DLC1: variants seen among roughly 807,000 people sequenced by gnomAD.
DLC1 encodes the protein rho GTPase-activating protein 7.
A neutral mutation model predicts 140.3 loss-of-function variants in DLC1; 54 were observed. The observed-to-expected ratio is 0.38, with a 90% CI of 0.31 to 0.48. The LOEUF (loss-of-function observed/expected upper bound fraction) is 0.48. Ranked by LOEUF, DLC1 falls within the 20% of genes least tolerant of loss-of-function variation. The pLI is 0.96. For synonymous variants in DLC1, 986 were observed against 728.1 expected, an observed-to-expected ratio of 1.35 and a Z score of -5.70; for missense variants, 2,536 against 1,907.0, an observed-to-expected ratio of 1.33 and a Z score of -6.14.
At chr8:13,380,095 C>T (rs549329312) in intron 4 of DLC1, among the ~76,000 whole-genome samples, 9 of 152,262 alleles carry the variant, frequency 5.9e-5, no homozygotes, top group African/African-American at 2.2e-4. Context: ...CTCCTCACCA[C>T]CACTCCCATA....
At chr8:13,332,700 T>C (rs1369685948) in intron 4 of DLC1, among the ~76,000 whole-genome samples, 1 of 152,150 alleles carries the variant, frequency 6.6e-6, no homozygotes, top group Non-Finnish European at 1.5e-5. Context: ...CCCAGAGACG[T>C]GAGCCACCAT....
At chr8:13,225,701 C>T (rs1464263215) in intron 5 of DLC1, among the ~76,000 whole-genome samples, 6 of 151,392 alleles carry the variant, frequency 4.0e-5, no homozygotes, top group Non-Finnish European at 5.9e-5. Flanking sequence ...CTGCAAGCTC[C>T]GCCTCCTGGG....
chr8:13,412,490 T>G (rs1837823451), intron 2 of DLC1, among the ~76,000 whole-genome samples: 1 of 152,208 alleles, frequency 6.6e-6, no homozygotes, highest in Non-Finnish European at 1.5e-5. Context: ...GCCAAAGAAC[T>G]GGAAATAACT....
intron 1 of DLC1, among the ~76,000 whole-genome samples, chr8:13,538,750 G>T (rs1352924236): frequency 6.6e-6 from 1 of 152,150 alleles, no homozygotes; most frequent in East Asian, 1.9e-4. Flanking sequence ...GGTAATAAGT[G>T]GTAGAAGCAG....
chr8:13,365,749 C>T (rs78680790), intron 4 of DLC1, among the ~76,000 whole-genome samples: 4,043 of 152,046 alleles, frequency 0.027, 88 homozygotes, highest in South Asian at 0.091. Flanking sequence ...GCATGTCTCA[C>T]CGAGGAATAG....
chr8:13,440,013 C>T (rs564046040), intron 2 of DLC1, among the ~76,000 whole-genome samples: 3 of 152,256 alleles, frequency 2.0e-5, no homozygotes, highest in African/African-American at 4.8e-5. Context: ...ATTCACTGAA[C>T]ATTCAATCTG....
intron 2 of DLC1, among the ~76,000 whole-genome samples, chr8:13,452,928 T>C (rs894464324): frequency 2.6e-5 from 4 of 152,160 alleles, no homozygotes; most frequent in Admixed American, 1.3e-4. Context: ...GGCCATGATA[T>C]GAGTAATTGT....
rs71207138 is a variant in DLC1 at position 13,295,942 on chromosome 8, GTTTTTTTTTTTTTTT to G, written c.1348+9312_1348+9326del. Among the ~76,000 whole-genome samples, 38 of 72,898 alleles carry G rather than the reference GTTTTTTTTTTTTTTT, an allele frequency of 5.2e-4. 1 individual carries two copies. Among genetic ancestry groups the G allele is most frequent in the African/African-American group, 2.1e-3 (37 of 17,758 alleles). 47.8% of individuals were successfully genotyped at this position (72,898 alleles called of 152,430 possible). A position where few individuals can be genotyped will look rare whatever the true frequency, so the allele number is the denominator to read the frequency against. On this transcript the variant is annotated intron_variant, in intron 5 of 17. Transcript: ENST00000276297. ...AAGAGATGATCAGATAAGATTCTTT[GTTTTTTTTTTTTTTT>G]TTTTTTTTTTTTGGAGACAGAGTCT...
intron 1 of DLC1, among the ~76,000 whole-genome samples, chr8:13,579,463 A>ATAT (rs1804994495): frequency 3.6e-5 from 2 of 55,796 alleles, no homozygotes; most frequent in African/African-American, 1.5e-4. Context: ...TATATTTAAT[A>ATAT]CATTATATTT....
intron 2 of DLC1, among the ~76,000 whole-genome samples, chr8:13,410,293 C>G (rs1345795611): frequency 6.6e-6 from 1 of 152,034 alleles, no homozygotes; most frequent in African/African-American, 2.4e-5. Context: ...TGAGGAAACA[C>G]TGGAAATATT....
At chr8:13,599,736 A>G (rs989815063) in intron 1 of DLC1, among the ~76,000 whole-genome samples, 1 of 152,018 alleles carries the variant, frequency 6.6e-6, no homozygotes, top group African/African-American at 2.4e-5. Flanking sequence ...CCAAATGTAT[A>G]TATAAACCTC....
chr8:13,480,855 G>C lies in DLC1; in HGVS notation c.1023+18194C>G, dbSNP rs149159983. Among the ~76,000 whole-genome samples, 287 of 152,274 alleles carry C rather than the reference G, an allele frequency of 1.9e-3. 1 individual carries two copies. Among genetic ancestry groups the C allele is most frequent in the Non-Finnish European group, 2.6e-3 (180 of 68,024 alleles). ...GGAGGTAGAGGTTGCAGTCAGCTGA[G>C]ATCACGCCATTGCACTGCAGCCTGG... On this transcript the variant is annotated intron_variant, in intron 2 of 17. Coordinates refer to ENST00000276297, the MANE Select transcript of DLC1 (RefSeq NM_182643.3).
At chr8:13,437,663 A>G (rs902368225) in intron 2 of DLC1, among the ~76,000 whole-genome samples, 8 of 152,198 alleles carry the variant, frequency 5.3e-5, no homozygotes, top group African/African-American at 1.9e-4. Context: ...ACTGGCTCCC[A>G]GGGACAACTG....
At chr8:13,308,667 A>G (rs955200939) in intron 4 of DLC1, among the ~76,000 whole-genome samples, 3 of 152,212 alleles carry the variant, frequency 2.0e-5, no homozygotes, top group East Asian at 1.9e-4. Context: ...GGAATTCACA[A>G]TGTAATCAAA....
chr8:13,330,545 T>A lies in DLC1; in HGVS notation c.1315-25243A>T, dbSNP rs570765473. The stretch of plus-strand genomic sequence containing the variant: ...GCTCTGAGCAAATATTAATTCTAGA[T>A]AATTATATAGGCCAGCACATTCAAA... On this transcript the variant is annotated intron_variant, in intron 4 of 17. Coordinates refer to ENST00000276297, the MANE Select transcript of DLC1 (RefSeq NM_182643.3). Among the ~76,000 whole-genome samples, 3 of 152,276 alleles carry A rather than the reference T, an allele frequency of 2.0e-5. No individual in the cohort carries two copies. The East Asian group carries it at 5.8e-4, about 29-fold the overall frequency.
chr8:13,546,175 T>C (rs1246146655), intron 1 of DLC1, among the ~76,000 whole-genome samples: 1 of 152,156 alleles, frequency 6.6e-6, no homozygotes, highest in Non-Finnish European at 1.5e-5. Context: ...GGTTTTCTCA[T>C]ATTGGTCATT....
chr8:13,603,235 C>T (rs1401958166), intron 1 of DLC1, among the ~76,000 whole-genome samples: 2 of 151,736 alleles, frequency 1.3e-5, no homozygotes, highest in Admixed American at 6.6e-5. Flanking sequence ...ACATCATTAA[C>T]TATGATTAAT....
chr8:13,215,844 C>T (rs111240639), intron 5 of DLC1, among the ~76,000 whole-genome samples: 137 of 152,224 alleles, frequency 9.0e-4, no homozygotes, highest in African/African-American at 2.9e-3. Flanking sequence ...TGCGCAAGCC[C>T]GTGGAGTAAT....
At chr8:13,146,693 A>G (rs1346635509) in intron 5 of DLC1, among the ~76,000 whole-genome samples, 2 of 152,140 alleles carry the variant, frequency 1.3e-5, no homozygotes, top group Admixed American at 1.3e-4. Flanking sequence ...CATCATTACT[A>G]TTGCTTGTGC....
Sources: allele counts gnomAD v4.1 joint callset (sites outside exome capture counted in the v4.1 genomes callset), GRCh38; gene constraint gnomAD v4.1.1; transcripts MANE v1.5; gene names NCBI Gene and HGNC (gene_info 2026-07-23, HGNC 2026-07-21).